EXOC6B: variants seen among roughly 807,000 people sequenced by gnomAD.
EXOC6B encodes exocyst complex component 6B.
Under a neutral mutation model 113.5 loss-of-function variants are expected in EXOC6B, and 54 were observed. That is an observed-to-expected ratio of 0.48 (90% CI 0.38 to 0.60). The LOEUF (loss-of-function observed/expected upper bound fraction) is 0.60. Ranked by LOEUF, EXOC6B falls within the 20% of genes least tolerant of loss-of-function variation. EXOC6B has a pLI of 0.00. For synonymous variants in EXOC6B, 357 were observed against 339.0 expected (o/e 1.05, Z -0.58); for missense variants, 797 against 977.5 (o/e 0.82, Z 2.46).
intron 6 of EXOC6B, among the ~76,000 whole-genome samples, chr2:72,652,582 G>A (rs1355203158): frequency 6.6e-6 from 1 of 151,400 alleles, no homozygotes; most frequent in Non-Finnish European, 1.5e-5. Flanking sequence ...GAAATCTTGA[G>A]AGGAAATTAG....
chr2:72,646,610 G>T (rs1051481582), intron 6 of EXOC6B, among the ~76,000 whole-genome samples: 10 of 152,078 alleles, frequency 6.6e-5, no homozygotes, highest in Non-Finnish European at 1.2e-4. Context: ...CCACAATCAA[G>T]TCGGCTTCAT....
chr2:72,319,869 T>C (rs940403693), intron 20 of EXOC6B, among the ~76,000 whole-genome samples: 1 of 151,912 alleles, frequency 6.6e-6, no homozygotes, highest in African/African-American at 2.4e-5. Context: ...GAAGTCTCGC[T>C]CTGTCGCCCA....
At chr2:72,644,140 C>T (rs1040492867) in intron 6 of EXOC6B, among the ~76,000 whole-genome samples, 5 of 152,082 alleles carry the variant, frequency 3.3e-5, no homozygotes, top group Non-Finnish European at 7.4e-5. Context: ...ACGAGAACTA[C>T]GTGACACATC....
At chr2:72,654,122 A>G (rs1674420439) in intron 6 of EXOC6B, among the ~76,000 whole-genome samples, 1 of 151,966 alleles carries the variant, frequency 6.6e-6, no homozygotes, top group East Asian at 1.9e-4. Flanking sequence ...GGCGCCCACC[A>G]TCGCGCCCGG....
At chr2:72,669,220 C>T (rs1248639290) in intron 6 of EXOC6B, among the ~76,000 whole-genome samples, 2 of 151,972 alleles carry the variant, frequency 1.3e-5, no homozygotes, top group Non-Finnish European at 2.9e-5. Context: ...AACAAGACAG[C>T]AGCAAAAAGT....
intron 1 of EXOC6B, among the ~76,000 whole-genome samples, chr2:72,819,047 C>T (rs999688563): frequency 6.6e-6 from 1 of 152,196 alleles, no homozygotes; most frequent in Non-Finnish European, 1.5e-5. Flanking sequence ...GTCTATATTG[C>T]TGCCTGCTGT....
intron 1 of EXOC6B, among the ~76,000 whole-genome samples, chr2:72,766,825 G>T (rs1469505947): frequency 6.6e-6 from 1 of 151,590 alleles, no homozygotes. Flanking sequence ...GTAGTGGTGC[G>T]CGTCTGTAAT....
At chr2:72,634,502 C>A (rs1672694264) in intron 6 of EXOC6B, among the ~76,000 whole-genome samples, 1 of 152,128 alleles carries the variant, frequency 6.6e-6, no homozygotes, top group South Asian at 2.1e-4. Flanking sequence ...GAGTGGGGAG[C>A]TTGGATTTTA....
At chr2:72,484,322 G>A (rs1699290814) in intron 16 of EXOC6B, among the ~76,000 whole-genome samples, 1 of 151,368 alleles carries the variant, frequency 6.6e-6, no homozygotes, top group Non-Finnish European at 1.5e-5. Context: ...ACTTTGGGAG[G>A]CCGAGACGGG....
In EXOC6B at chr2:72,499,921, G is replaced by T. The variant is rs1359419699; in HGVS notation, c.1219C>A (p.Leu407Ile). Residue 407 changes from leucine to isoleucine, a missense_variant, in exon 12 of 22, where the codon CTT (leucine) becomes ATT (isoleucine). Leu to Ile is a conservative substitution (Grantham distance 5, BLOSUM62 2). Coordinates refer to ENST00000272427, the MANE Select transcript of EXOC6B (RefSeq NM_015189.3). ...CATACCTGAAGTGTGTCAGCAAAAA[G>T]CACAATGAGGTTCTTCAAATCTAAC... is the stretch of plus-strand genomic sequence containing the variant. ...LVLDLKNLIV[L>I]FADTLQVYGF... The T allele has an allele frequency of 3.9e-6, 6 of 1,553,040 alleles. No individual in the cohort carries two copies. The East Asian group carries it at 1.2e-4, about 31-fold the overall frequency.
chr2:72,470,561 C>T (rs1268518052), intron 17 of EXOC6B, among the ~76,000 whole-genome samples: 1 of 151,934 alleles, frequency 6.6e-6, no homozygotes, highest in Non-Finnish European at 1.5e-5. Context: ...TGGTGTGCTG[C>T]ACCTATTAAC....
intron 20 of EXOC6B, among the ~76,000 whole-genome samples, chr2:72,265,194 A>G (rs901615780): frequency 2.0e-5 from 3 of 151,952 alleles, no homozygotes; most frequent in African/African-American, 7.3e-5. Context: ...GATGGAGATG[A>G]GGAACTTCTT....
At position 72,307,161 on chromosome 2, in the gene EXOC6B, G is replaced by GTTTTTTTTTTTTTTTTTTTT. The variant is rs1553371308; in HGVS notation, c.2196+27785_2196+27786insAAAAAAAAAAAAAAAAAAAA. ...TCCATGACTGCAATGGTATAGTCCA[G>GTTTTTTTTTTTTTTTTTTTT]TTTTTTTTTTTTTGAGACGGAGTCT... On this transcript the variant is annotated intron_variant, in intron 20 of 21. Coordinates refer to ENST00000272427, the MANE Select transcript of EXOC6B (RefSeq NM_015189.3). Among the ~76,000 whole-genome samples the GTTTTTTTTTTTTTTTTTTTT allele has an allele frequency of 1.2e-3, 153 of 128,458 alleles. 12 individuals are homozygous for GTTTTTTTTTTTTTTTTTTTT. The highest frequency in any genetic ancestry group is 5.4e-3 in the African/African-American group (142 of 26,186). The allele number at this position is 128,458 out of a possible 152,430, so 84.3% of individuals were successfully genotyped here. A position where few individuals can be genotyped will look rare whatever the true frequency, so the allele number is the denominator to read the frequency against.
chr2:72,421,405 T>C (rs1694858512), intron 18 of EXOC6B, among the ~76,000 whole-genome samples: 1 of 152,344 alleles, frequency 6.6e-6, no homozygotes, highest in African/African-American at 2.4e-5. Flanking sequence ...AATTATTTTA[T>C]TGATCATTCC....
At chr2:72,328,917 A>T (rs894218035) in intron 20 of EXOC6B, among the ~76,000 whole-genome samples, 9 of 152,070 alleles carry the variant, frequency 5.9e-5, no homozygotes, top group Admixed American at 5.9e-4. Flanking sequence ...GACATCTTCT[A>T]ATTCCATGAG....
At chr2:72,682,643 T>G (rs1676793435) in intron 6 of EXOC6B, among the ~76,000 whole-genome samples, 1 of 152,152 alleles carries the variant, frequency 6.6e-6, no homozygotes, top group South Asian at 2.1e-4. Flanking sequence ...AATTGATAAT[T>G]TTAAAAGATA....
At chr2:72,494,786 A>G (rs1004157403) in intron 15 of EXOC6B, among the ~76,000 whole-genome samples, 2 of 152,128 alleles carry the variant, frequency 1.3e-5, no homozygotes, top group Non-Finnish European at 2.9e-5. Context: ...CAGGGACCAC[A>G]TTTTCAGCAA....
At chr2:72,269,915 T>C (rs1056790782) in intron 20 of EXOC6B, among the ~76,000 whole-genome samples, 13 of 152,262 alleles carry the variant, frequency 8.5e-5, no homozygotes, top group Admixed American at 8.5e-4. Context: ...TGAAGTTAAC[T>C]AATCTTTTCT....
At chr2:72,562,381 C>T (rs1257636711) in intron 7 of EXOC6B, among the ~76,000 whole-genome samples, 1 of 152,100 alleles carries the variant, frequency 6.6e-6, no homozygotes, top group African/African-American at 2.4e-5. Flanking sequence ...TCTTGATCTC[C>T]ATTTAAAATA....
Sources: gnomAD v4.1 joint callset for allele counts (sites outside exome capture counted in the v4.1 genomes callset) on GRCh38, gnomAD v4.1.1 for gene constraint, MANE v1.5 for transcripts, NCBI Gene and HGNC (gene_info 2026-07-23, HGNC 2026-07-21) for gene names.